TENM3: variants seen among roughly 807,000 people sequenced by gnomAD.
TENM3 encodes teneurin-3.
In TENM3, 63 loss-of-function variants were observed where a neutral mutation model predicts 255.1. The observed-to-expected ratio is 0.25, with a 90% CI of 0.20 to 0.30. The LOEUF (loss-of-function observed/expected upper bound fraction) is 0.30, where lower values mean the gene tolerates loss of function less well. Ranked by LOEUF, TENM3 falls within the 10% of genes least tolerant of loss-of-function variation. The probability of loss-of-function intolerance (pLI) is 1.00; values close to 1 mark genes in which losing one functional copy is unlikely to be tolerated. For synonymous variants in TENM3, 1,306 were observed against 1,322.3 expected (o/e 0.99, Z 0.27); for missense variants, 2,929 against 3,461.1 (o/e 0.85, Z 3.86).
the TENM3 span, among the ~76,000 whole-genome samples, chr4:181,553,360 A>C: frequency 6.7e-6 from 1 of 149,734 alleles, no homozygotes; most frequent in Admixed American, 6.7e-5. Context: ...ACATATGTGT[A>C]ATATAGATAT....
chr4:181,474,596 G>A, the TENM3 span, among the ~76,000 whole-genome samples: 2 of 152,090 alleles, frequency 1.3e-5, no homozygotes, highest in South Asian at 4.2e-4. Context: ...TTAGCAGGGT[G>A]TGGTGGCGGG....
intron 2 of TENM3, among the ~76,000 whole-genome samples, chr4:182,329,106 A>G (rs1580177036): frequency 6.6e-6 from 1 of 151,960 alleles, no homozygotes; most frequent in African/African-American, 2.4e-5. Flanking sequence ...GGGCTCATCC[A>G]CTCATCTCCC....
rs1011749201 is a variant in TENM3, at chr4:182,751,967, C to T, written c.3797C>T (p.Pro1266Leu). The part of the protein sequence containing the change: ...VVAGTGEQCL[P>L]FDEARCGDGG... ...GCAGGGACAGGGGAGCAATGCCTTC[C>T]GTTTGACGAGGCGAGATGTGGGGAT... The change falls in exon 20 of 28, where the codon CCG becomes CTG. Residue 1266 changes from proline (P) to leucine (L), a missense_variant. Around this residue, in one of 6 missense-constraint regions of TENM3, gnomAD observed 1,608 missense variants for 1,884.4 expected, o/e 0.85. Transcript: ENST00000511685. 30 of 1,613,354 alleles carry T rather than the reference C, an allele frequency of 1.9e-5. No homozygotes were observed. The highest frequency in any genetic ancestry group is 4.5e-5 in the East Asian group (2 of 44,860).
At chr4:182,204,781 T>TA (rs1411924374) in intron 1 of TENM3, among the ~76,000 whole-genome samples, 1 of 152,176 alleles carries the variant, frequency 6.6e-6, no homozygotes, top group African/African-American at 2.4e-5. Context: ...AATGCAAATT[T>TA]AAAAAAACCC....
the TENM3 span, chr4:182,081,727 C>T: frequency 1.3e-5 from 2 of 152,162 alleles, no homozygotes; most frequent in Admixed American, 1.3e-4. Flanking sequence ...CATTTCCTGT[C>T]CCTTGCAAGC....
chr4:182,418,477 A>G (rs57312366), intron 3 of TENM3, among the ~76,000 whole-genome samples: 2,306 of 152,294 alleles, frequency 0.015, 58 homozygotes, highest in African/African-American at 0.052. Flanking sequence ...GGTAGTGATA[A>G]GAATTTTACA....
chr4:182,768,294 C>G (rs1405666776), intron 22 of TENM3, among the ~76,000 whole-genome samples: 1 of 152,142 alleles, frequency 6.6e-6, no homozygotes, highest in Admixed American at 6.5e-5. Context: ...ATAAATACTC[C>G]TGTTGTCAAG....
At chr4:182,202,816 C>G (rs1288138721) in intron 1 of TENM3, among the ~76,000 whole-genome samples, 1 of 152,164 alleles carries the variant, frequency 6.6e-6, no homozygotes, top group Non-Finnish European at 1.5e-5. Flanking sequence ...AGAACCTGTG[C>G]CTGTAAGGGC....
At chr4:182,043,373 A>G in the TENM3 span, among the ~76,000 whole-genome samples, 3 of 152,100 alleles carry the variant, frequency 2.0e-5, no homozygotes, top group African/African-American at 4.8e-5. Context: ...TTCTTCAGTT[A>G]TTGTTCTTTT....
chr4:182,469,989 A>G (rs1204295069), intron 3 of TENM3, among the ~76,000 whole-genome samples: 1 of 152,156 alleles, frequency 6.6e-6, no homozygotes, highest in African/African-American at 2.4e-5. Context: ...TCCAGCGGGG[A>G]CAGGGCCATT....
rs1347842716 is a variant in TENM3, at chr4:182,801,519, A to C, written c.*1168A>C. The C allele has an allele frequency of 3.3e-5, 5 of 152,246 alleles. No individual in the cohort carries two copies. Among genetic ancestry groups the C allele is most frequent in the African/African-American group, 1.2e-4 (5 of 41,458 alleles). 9.4% of individuals were successfully genotyped at this position (152,246 alleles called of 1,614,324 possible). A position where few individuals can be genotyped will look rare whatever the true frequency, so the allele number is the denominator to read the frequency against. The stretch of plus-strand genomic sequence containing the variant: ...GGAGTTGTTGATATAATTAACCCCG[A>C]GGTTTTTACTGTTACTGTTCCAAAG... On this transcript the variant is annotated 3_prime_UTR_variant, in exon 28 of 28. Transcript: ENST00000511685.
At chr4:182,698,956 A>T (rs1757639571) in intron 12 of TENM3, among the ~76,000 whole-genome samples, 1 of 152,212 alleles carries the variant, frequency 6.6e-6, no homozygotes, top group Non-Finnish European at 1.5e-5. Context: ...GTGGGTGAAT[A>T]CATCTGGATT....
chr4:182,752,394 A>G (rs990702555), intron 20 of TENM3, among the ~76,000 whole-genome samples: 1 of 152,132 alleles, frequency 6.6e-6, no homozygotes, highest in African/African-American at 2.4e-5. Context: ...TTTGTCATGA[A>G]TGAGTCCCAG....
At chr4:181,960,156 A>G in the TENM3 span, among the ~76,000 whole-genome samples, 1 of 152,228 alleles carries the variant, frequency 6.6e-6, no homozygotes, top group African/African-American at 2.4e-5. Context: ...ATTTGTGTAT[A>G]TTCTTATACT....
chr4:181,546,630 C>T, the TENM3 span, among the ~76,000 whole-genome samples: 402 of 131,896 alleles, frequency 3.0e-3, 12 homozygotes, highest in African/African-American at 0.011. Context: ...AGGAGAATGG[C>T]GTGAACCCGG....
chr4:182,039,873 G>A, the TENM3 span, among the ~76,000 whole-genome samples: 1 of 148,640 alleles, frequency 6.7e-6, no homozygotes, highest in Non-Finnish European at 1.5e-5. Context: ...AGTTGGGAAG[G>A]GAGGGAGGGA....
chr4:182,514,781 G>A (rs935170783), intron 3 of TENM3, among the ~76,000 whole-genome samples: 28 of 152,018 alleles, frequency 1.8e-4, no homozygotes, highest in African/African-American at 6.8e-4. Flanking sequence ...AGATTTAGAA[G>A]TCATAAATAT....
At chr4:182,733,233 G>A (rs1760910483) in intron 16 of TENM3, among the ~76,000 whole-genome samples, 1 of 152,224 alleles carries the variant, frequency 6.6e-6, no homozygotes, top group Non-Finnish European at 1.5e-5. Context: ...GGGATTCTTG[G>A]CTTGTTCAAG....
chr4:181,767,441 A>G, the TENM3 span, among the ~76,000 whole-genome samples: 3 of 152,128 alleles, frequency 2.0e-5, no homozygotes, highest in Non-Finnish European at 2.9e-5. Flanking sequence ...TAAGGTGGCT[A>G]TGATGTGTAA....
Sources: allele counts gnomAD v4.1 joint callset (sites outside exome capture counted in the v4.1 genomes callset), GRCh38; gene constraint gnomAD v4.1.1; regional missense constraint gnomAD v4.1.1; transcripts MANE v1.5; gene names NCBI Gene and HGNC (gene_info 2026-07-23, HGNC 2026-07-21).